SP100: variants seen among roughly 807,000 people sequenced by gnomAD.
SP100 encodes the protein SP100 nuclear body protein.
SP100 carries 84 observed loss-of-function variants against 130.0 expected under a neutral mutation model. The observed-to-expected ratio is 0.65, with a 90% CI of 0.54 to 0.77. The LOEUF (loss-of-function observed/expected upper bound fraction) is 0.77, where lower values mean the gene tolerates loss of function less well. Ranked by LOEUF, SP100 falls within the 30% of genes least tolerant of loss-of-function variation. The probability of loss-of-function intolerance (pLI) is 0.00; values close to 1 mark genes in which losing one functional copy is unlikely to be tolerated. For missense variants in SP100, 978 were observed against 1,052.2 expected, an observed-to-expected ratio of 0.93 and a Z score of 0.97; for synonymous variants, 331 against 351.7, an observed-to-expected ratio of 0.94 and a Z score of 0.66.
chr2:230,494,236 G>A (rs1022079162), intron 17 of SP100, among the ~76,000 whole-genome samples, 180 bp from the exon 18 acceptor site: 1 of 152,054 alleles, frequency 6.6e-6, no homozygotes, highest in Non-Finnish European at 1.5e-5. Flanking sequence ...AAAACAGGTT[G>A]CTTTGTGGTT....
chr2:230,484,519 C>T (rs575055541), intron 17 of SP100, among the ~76,000 whole-genome samples: 11 of 152,314 alleles, frequency 7.2e-5, no homozygotes, highest in African/African-American at 2.2e-4. Context: ...CCCAAGAACA[C>T]GCCATGATGA....
intron 17 of SP100, among the ~76,000 whole-genome samples, chr2:230,487,369 C>T (rs1330619046): frequency 6.6e-6 from 1 of 152,124 alleles, no homozygotes; most frequent in East Asian, 1.9e-4. Context: ...GCAAGGGGTC[C>T]AGTTTCAGTT....
intron 2 of SP100, among the ~76,000 whole-genome samples, chr2:230,435,169 A>T (rs1157397628): frequency 6.6e-6 from 1 of 152,236 alleles, no homozygotes; most frequent in Non-Finnish European, 1.5e-5. Context: ...CTCCCTCGTG[A>T]CATAGTGTCA....
chr2:230,528,168 C>T (rs12997586), intron 24 of SP100, among the ~76,000 whole-genome samples: 1 of 151,940 alleles, frequency 6.6e-6, no homozygotes, highest in Non-Finnish European at 1.5e-5. Flanking sequence ...GAAGTGACCA[C>T]GTAATTTGTA....
At chr2:230,526,931 G>A (rs914967321) in intron 24 of SP100, among the ~76,000 whole-genome samples, 3 of 152,186 alleles carry the variant, frequency 2.0e-5, no homozygotes, top group Admixed American at 6.5e-5. Flanking sequence ...TATGTGAAAA[G>A]ACCAAACCTA....
chr2:230,432,742 T>C (rs1388224837), intron 2 of SP100, among the ~76,000 whole-genome samples: 1 of 152,182 alleles, frequency 6.6e-6, no homozygotes, highest in African/African-American at 2.4e-5. Context: ...TGAATACAAG[T>C]AGTTTATTAA....
intron 16 of SP100, 58 bp from the exon 17 acceptor site, chr2:230,474,336 G>T: frequency 2.3e-6 from 2 of 886,972 alleles, no homozygotes; most frequent in South Asian, 1.4e-5. Context: ...ATTGTCATAA[G>T]ATTTATAAAT....
intron 19 of SP100, among the ~76,000 whole-genome samples, chr2:230,501,919 A>T (rs1490927506): frequency 6.6e-6 from 1 of 152,110 alleles, no homozygotes; most frequent in Non-Finnish European, 1.5e-5. Context: ...CCCAAGCTAG[A>T]GTACAGTGGC....
At chr2:230,444,817 A>G (rs2063631489) in intron 4 of SP100, among the ~76,000 whole-genome samples, 1 of 152,198 alleles carries the variant, frequency 6.6e-6, no homozygotes, top group African/African-American at 2.4e-5. Context: ...AGGATGCCCT[A>G]AGAGGCAAGC....
intron 24 of SP100, among the ~76,000 whole-genome samples, chr2:230,528,141 A>G (rs969576934): frequency 2.0e-5 from 3 of 152,238 alleles, no homozygotes; most frequent in Admixed American, 6.5e-5. Flanking sequence ...TCTCACCACC[A>G]CATCACACCT....
At chr2:230,450,059 G>A in intron 7 of SP100, 113 bp from the exon 8 acceptor site, 1 of 723,758 alleles carries the variant, frequency 1.4e-6, no homozygotes, top group East Asian at 2.5e-5. Flanking sequence ...ATGCAGACAG[G>A]GGTATAAGTA....
chr2:230,472,775 T>G (rs1385472237), intron 15 of SP100, among the ~76,000 whole-genome samples: 1 of 152,192 alleles, frequency 6.6e-6, no homozygotes, highest in Non-Finnish European at 1.5e-5. Context: ...TGATTCACAA[T>G]AGCAGTAAGT....
chr2:230,529,811 A>G (rs983387884), intron 24 of SP100, among the ~76,000 whole-genome samples: 1 of 152,206 alleles, frequency 6.6e-6, no homozygotes, highest in Non-Finnish European at 1.5e-5. Flanking sequence ...CCAAATCATG[A>G]GTGAACTCCC....
intron 17 of SP100, among the ~76,000 whole-genome samples, chr2:230,482,220 A>G (rs2065867387): frequency 6.6e-6 from 1 of 152,210 alleles, no homozygotes; most frequent in Non-Finnish European, 1.5e-5. Context: ...TCAGGTTACC[A>G]AGATATTTTA....
intron 24 of SP100, among the ~76,000 whole-genome samples, chr2:230,526,541 AC>A (rs1691436647): frequency 6.6e-6 from 1 of 152,188 alleles, no homozygotes; most frequent in African/African-American, 2.4e-5. Flanking sequence ...CAGCAAGGGA[AC>A]AAAACTGGAC....
At chr2:230,441,064 A>G (rs1224560283) in intron 2 of SP100, among the ~76,000 whole-genome samples, 1 of 152,166 alleles carries the variant, frequency 6.6e-6, no homozygotes, top group South Asian at 2.1e-4. Flanking sequence ...AATATTCACC[A>G]TACATAAATC....
chr2:230,437,292 C>T (rs1205312656), intron 2 of SP100, among the ~76,000 whole-genome samples: 4 of 151,904 alleles, frequency 2.6e-5, no homozygotes, highest in African/African-American at 9.7e-5. Context: ...TTGTTTCATT[C>T]AATCTCATTG....
intron 2 of SP100, among the ~76,000 whole-genome samples, chr2:230,433,829 T>C (rs1165211581): frequency 4.6e-5 from 7 of 150,822 alleles, no homozygotes; most frequent in Non-Finnish European, 8.9e-5. Flanking sequence ...TCAATATTAT[T>C]GAATAATATT....
At chr2:230,464,988 A>T (rs2064864078) in intron 11 of SP100, among the ~76,000 whole-genome samples, 2 of 152,196 alleles carry the variant, frequency 1.3e-5, no homozygotes, top group South Asian at 2.1e-4. Context: ...CTGTAATCCC[A>T]GCACTTTGGG....
Sources: gnomAD v4.1 joint callset for allele counts (sites outside exome capture counted in the v4.1 genomes callset) on GRCh38, gnomAD v4.1.1 for gene constraint, MANE v1.5 for transcripts, NCBI Gene and HGNC (gene_info 2026-07-23, HGNC 2026-07-21) for gene names.